The following ASTN1 variants were observed in gnomAD, a reference collection of about 807,000 sequenced individuals.
ASTN1 encodes astrotactin 1.
ASTN1 carries 41 observed loss-of-function variants against 140.7 expected under a neutral mutation model. The ratio of observed to expected loss-of-function variants is 0.29; its 90% CI spans 0.23 to 0.38. ASTN1 has a LOEUF of 0.38. Ranked by LOEUF, ASTN1 falls within the 10% of genes least tolerant of loss-of-function variation. ASTN1 has a pLI of 1.00. For synonymous variants in ASTN1, 640 were observed against 652.2 expected, an observed-to-expected ratio of 0.98 and a Z score of 0.29; for missense variants, 1,479 against 1,678.8, an observed-to-expected ratio of 0.88 and a Z score of 2.08.
chr1:176,965,047 G>T, intron 9 of ASTN1, 116 bp downstream of exon 9: 1 of 953,722 alleles, frequency 1.0e-6, no homozygotes, highest in Non-Finnish European at 1.7e-6. Context: ...GCAGGTGGTC[G>T]TGACAACTCA....
intron 16 of ASTN1, among the ~76,000 whole-genome samples, chr1:176,899,218 A>G (rs1366442893): frequency 6.6e-6 from 1 of 152,224 alleles, no homozygotes; most frequent in Non-Finnish European, 1.5e-5. Context: ...TTTCCCCAAT[A>G]GAATATTGTG....
chr1:176,938,802 A>G (rs1218079881), intron 14 of ASTN1, among the ~76,000 whole-genome samples: 1 of 152,204 alleles, frequency 6.6e-6, no homozygotes, highest in Non-Finnish European at 1.5e-5. Context: ...AGAACAAAAT[A>G]AAATTATGGG....
intron 16 of ASTN1, among the ~76,000 whole-genome samples, chr1:176,895,094 G>A (rs1318867177): frequency 2.6e-5 from 4 of 152,142 alleles, no homozygotes; most frequent in South Asian, 2.1e-4. Flanking sequence ...TAGAGGGATC[G>A]GGCTCCATGC....
intron 1 of ASTN1, among the ~76,000 whole-genome samples, chr1:177,132,271 A>T (rs369301395): frequency 2.0e-5 from 3 of 152,218 alleles, no homozygotes; most frequent in Non-Finnish European, 4.4e-5. Context: ...AGGACACAAG[A>T]TTCTTATCTT....
At chr1:177,015,119 G>C (rs1675484398) in intron 7 of ASTN1, among the ~76,000 whole-genome samples, 2 of 152,098 alleles carry the variant, frequency 1.3e-5, no homozygotes, top group Non-Finnish European at 2.9e-5. Flanking sequence ...CTAGTATTTA[G>C]AAAGCATCTA....
At chr1:177,054,155 A>T (rs1037371112) in intron 2 of ASTN1, among the ~76,000 whole-genome samples, 3 of 152,226 alleles carry the variant, frequency 2.0e-5, no homozygotes, top group South Asian at 2.1e-4. Flanking sequence ...ATAGTCCTGC[A>T]AACTAATAGT....
intron 16 of ASTN1, among the ~76,000 whole-genome samples, chr1:176,919,793 G>A (rs1670652653): frequency 6.6e-6 from 1 of 152,252 alleles, no homozygotes; most frequent in Non-Finnish European, 1.5e-5. Flanking sequence ...GGCAATGGAG[G>A]CACATATAAA....
chr1:176,958,003 G>A (rs186719963), intron 10 of ASTN1, among the ~76,000 whole-genome samples, 175 bp from the exon 11 acceptor site: 78 of 152,290 alleles, frequency 5.1e-4, no homozygotes, highest in Admixed American at 1.8e-3. Context: ...GGCATTCTCC[G>A]TATCTAGGAA....
At chr1:177,021,714 T>C (rs1675832466) in intron 7 of ASTN1, among the ~76,000 whole-genome samples, 1 of 152,204 alleles carries the variant, frequency 6.6e-6, no homozygotes, top group African/African-American at 2.4e-5. Context: ...GTGCTTCCTT[T>C]TCTTTAAAAT....
chr1:177,053,209 G>T (rs1677626754), intron 2 of ASTN1, among the ~76,000 whole-genome samples: 1 of 152,188 alleles, frequency 6.6e-6, no homozygotes, highest in Non-Finnish European at 1.5e-5. Context: ...AAACTGAGTA[G>T]TTGAAAGTAA....
chr1:177,084,380 C>G (rs1360201740), intron 1 of ASTN1, among the ~76,000 whole-genome samples: 1 of 152,190 alleles, frequency 6.6e-6, no homozygotes, highest in Admixed American at 6.5e-5. Flanking sequence ...TTCCCAATCA[C>G]AGAGGTGCCA....
intron 8 of ASTN1, among the ~76,000 whole-genome samples, chr1:176,974,526 C>T (rs1673281390): frequency 6.6e-6 from 1 of 151,958 alleles, no homozygotes. Context: ...GCTGGGATTA[C>T]AGGTGCCCTC....
At chr1:176,999,240 A>G (rs1285622768) in intron 8 of ASTN1, among the ~76,000 whole-genome samples, 1 of 152,216 alleles carries the variant, frequency 6.6e-6, no homozygotes, top group African/African-American at 2.4e-5. Flanking sequence ...GGATGGATCA[A>G]TTCTTTAAAA....
intron 8 of ASTN1, among the ~76,000 whole-genome samples, chr1:176,991,591 G>A (rs758506148): frequency 1.3e-5 from 2 of 152,164 alleles, no homozygotes; most frequent in African/African-American, 2.4e-5. Flanking sequence ...TCGATAATTC[G>A]AACACTAACT....
intron 17 of ASTN1, among the ~76,000 whole-genome samples, chr1:176,889,900 A>G (rs1335624931): frequency 6.6e-6 from 1 of 152,214 alleles, no homozygotes; most frequent in Non-Finnish European, 1.5e-5. Flanking sequence ...AGCCTGGTGC[A>G]TAAGTGCCCA....
At position 177,029,556 on chromosome 1, in the gene ASTN1, C is replaced by A. The variant is rs529017149; in HGVS notation, c.1120+78G>T. The A allele has an allele frequency of 2.7e-6, 4 of 1,455,558 alleles. No homozygotes were observed. The Admixed American group carries it at 7.2e-5, about 26-fold the overall frequency. The allele number at this position is 1,455,558 out of a possible 1,614,324, so 90.2% of individuals were successfully genotyped here. On this transcript the variant is annotated intron_variant, in intron 5 of 22. Transcript: ENST00000361833. ...TTGTTCCATAGAGCCCACAACCCAA[C>A]CCAACACCTCTTCGCCTTCCCCCGC...
At chr1:177,027,432 T>C (rs1220678846) in intron 5 of ASTN1, among the ~76,000 whole-genome samples, 2 of 151,728 alleles carry the variant, frequency 1.3e-5, no homozygotes, top group Admixed American at 1.3e-4. Context: ...CATCTCTACC[T>C]GGTTTCAGAA....
intron 14 of ASTN1, among the ~76,000 whole-genome samples, chr1:176,942,194 T>C (rs1304443097): frequency 1.3e-5 from 2 of 152,210 alleles, no homozygotes; most frequent in East Asian, 3.8e-4. Flanking sequence ...GGAACTGTTC[T>C]AAAAACTTTA....
At chr1:177,055,066 C>T (rs1312158852) in intron 2 of ASTN1, among the ~76,000 whole-genome samples, 1 of 152,154 alleles carries the variant, frequency 6.6e-6, no homozygotes, top group African/African-American at 2.4e-5. Context: ...CTCAGTGGAT[C>T]TTCATTCTCT....
Sources: gnomAD v4.1 joint callset for allele counts (sites outside exome capture counted in the v4.1 genomes callset) on GRCh38, gnomAD v4.1.1 for gene constraint, MANE v1.5 for transcripts, NCBI Gene and HGNC (gene_info 2026-07-23, HGNC 2026-07-21) for gene names.